Variants in AGMO observed in about 807,000 individuals in gnomAD.
AGMO encodes alkylglycerol monooxygenase, also known as glyceryl-ether monooxygenase.
AGMO carries 75 observed loss-of-function variants against 60.2 expected under a neutral mutation model. That is an observed-to-expected ratio of 1.25 (90% CI 1.03 to 1.51). AGMO has a LOEUF of 1.51. Among genes scored for constraint, AGMO ranks in the 40% most tolerant of loss-of-function variants. AGMO has a pLI of 0.00. For synonymous variants in AGMO, 261 were observed against 177.1 expected (o/e 1.47, Z -3.76); for missense variants, 763 against 525.5 (o/e 1.45, Z -4.42).
chr7:15,439,981 C>T (rs117419744), intron 3 of AGMO, among the ~76,000 whole-genome samples: 1 of 152,120 alleles, frequency 6.6e-6, no homozygotes, highest in Non-Finnish European at 1.5e-5. Flanking sequence ...CCACAAAACA[C>T]CAAACCAGCT....
chr7:15,458,619 C>T (rs1030390504), intron 3 of AGMO, among the ~76,000 whole-genome samples: 1 of 152,190 alleles, frequency 6.6e-6, no homozygotes, highest in Non-Finnish European at 1.5e-5. Flanking sequence ...CAGAAGTCTG[C>T]ACATTATCTT....
chr7:15,186,601 A>G, the AGMO span, among the ~76,000 whole-genome samples: 3 of 152,250 alleles, frequency 2.0e-5, no homozygotes, highest in Non-Finnish European at 2.9e-5. Context: ...ATAGTTGCAG[A>G]AGGAAAGAAT....
intron 12 of AGMO, among the ~76,000 whole-genome samples, chr7:15,275,680 T>C (rs972332567): frequency 6.6e-6 from 1 of 152,064 alleles, no homozygotes; most frequent in Non-Finnish European, 1.5e-5. Flanking sequence ...TATGTTTTCT[T>C]AGGTTAAGTA....
At chr7:15,244,826 G>GT (rs996068971) in intron 12 of AGMO, among the ~76,000 whole-genome samples, 12 of 152,026 alleles carry the variant, frequency 7.9e-5, no homozygotes, top group Admixed American at 7.8e-4. Context: ...TAATTTTTTT[G>GT]TATTTTTAGT....
chr7:15,198,300 A>G (rs1345421758), downstream of AGMO, among the ~76,000 whole-genome samples: 2 of 151,352 alleles, frequency 1.3e-5, no homozygotes, highest in Non-Finnish European at 2.9e-5. Context: ...CAGTAAGCAT[A>G]CATTACATGG....
chr7:15,335,370 A>G (rs1175465620), intron 12 of AGMO, among the ~76,000 whole-genome samples: 3 of 152,182 alleles, frequency 2.0e-5, no homozygotes, highest in Non-Finnish European at 2.9e-5. Flanking sequence ...GATCTAATTA[A>G]GTTCAACCCA....
At chr7:15,345,857 C>A (rs370703746) in intron 12 of AGMO, among the ~76,000 whole-genome samples, 2 of 151,992 alleles carry the variant, frequency 1.3e-5, no homozygotes, top group East Asian at 3.9e-4. Context: ...ACTACAATAA[C>A]AATTCCCTTA....
chr7:15,476,903 GA>G (rs972887829), intron 3 of AGMO, among the ~76,000 whole-genome samples: 5 of 152,190 alleles, frequency 3.3e-5, no homozygotes, highest in Non-Finnish European at 1.5e-5. Context: ...TGATATAAAT[GA>G]AATACCTTGC....
At chr7:15,273,566 G>T (rs1783681649) in intron 12 of AGMO, among the ~76,000 whole-genome samples, 2 of 152,132 alleles carry the variant, frequency 1.3e-5, no homozygotes, top group South Asian at 4.2e-4. Flanking sequence ...GATGCCTCCA[G>T]CTTTGTTCTT....
chr7:15,180,047 G>A, the AGMO span, among the ~76,000 whole-genome samples: 2 of 152,274 alleles, frequency 1.3e-5, no homozygotes, highest in Admixed American at 6.5e-5. Flanking sequence ...TTTGTGATGG[G>A]AGGAAAACCT....
At chr7:15,406,999 TG>T (rs1409105534) in intron 5 of AGMO, among the ~76,000 whole-genome samples, 6 of 143,460 alleles carry the variant, frequency 4.2e-5, no homozygotes, top group East Asian at 2.0e-4. Flanking sequence ...TGTATATATA[TG>T]GAATATACAT....
At chr7:15,207,477 A>C (rs943264344) in intron 12 of AGMO, among the ~76,000 whole-genome samples, 1 of 152,242 alleles carries the variant, frequency 6.6e-6, no homozygotes, top group African/African-American at 2.4e-5. Flanking sequence ...CTTTCCTTAT[A>C]AACACCGACA....
At chr7:15,479,079 C>G (rs1159827175) in intron 3 of AGMO, among the ~76,000 whole-genome samples, 1 of 151,994 alleles carries the variant, frequency 6.6e-6, no homozygotes. Context: ...TAGTTTTCAT[C>G]AAAATAAATA....
At chr7:15,363,215 T>C (rs750152401) in intron 12 of AGMO, among the ~76,000 whole-genome samples, 1 of 152,184 alleles carries the variant, frequency 6.6e-6, no homozygotes, top group Non-Finnish European at 1.5e-5. Context: ...CACTGACTTT[T>C]CCTTCAACAT....
intron 12 of AGMO, among the ~76,000 whole-genome samples, chr7:15,241,353 G>A (rs1377260806): frequency 1.3e-5 from 2 of 150,530 alleles, no homozygotes; most frequent in Non-Finnish European, 1.5e-5. Context: ...CCAGCTACTC[G>A]GGAGGCTGAG....
At chr7:15,151,973 T>G in the AGMO span, among the ~76,000 whole-genome samples, 1 of 152,182 alleles carries the variant, frequency 6.6e-6, no homozygotes, top group Non-Finnish European at 1.5e-5. Flanking sequence ...ATTCTGAAAT[T>G]TCTGTAGCAG....
chr7:15,319,086 T>C (rs942942482), intron 12 of AGMO, among the ~76,000 whole-genome samples: 1 of 152,222 alleles, frequency 6.6e-6, no homozygotes, highest in Admixed American at 6.5e-5. Context: ...GGCCTCATTT[T>C]GTTCTACCTT....
intron 4 of AGMO, among the ~76,000 whole-genome samples, chr7:15,423,919 A>C (rs1282645367): frequency 1.3e-5 from 2 of 152,178 alleles, no homozygotes; most frequent in African/African-American, 4.8e-5. Flanking sequence ...GTTCTAAGCC[A>C]CCTAGCTCTG....
intron 3 of AGMO, among the ~76,000 whole-genome samples, chr7:15,520,556 G>A (rs548386583): frequency 6.6e-6 from 1 of 152,220 alleles, no homozygotes; most frequent in Admixed American, 6.5e-5. Context: ...ACTCAAAACT[G>A]CACAACTACA....
Sources: allele counts gnomAD v4.1 joint callset (sites outside exome capture counted in the v4.1 genomes callset), GRCh38; gene constraint gnomAD v4.1.1; transcripts MANE v1.5; gene names NCBI Gene and HGNC (gene_info 2026-07-23, HGNC 2026-07-21).